ZNF577: variants seen among roughly 807,000 people sequenced by gnomAD.
ZNF577 encodes zinc finger protein 577.
Under a neutral mutation model 13.9 loss-of-function variants are expected in ZNF577, and 14 were observed. That is an observed-to-expected ratio of 1.00 (90% CI 0.66 to 1.57). The LOEUF is 1.57. Ranked by LOEUF, ZNF577 falls within the 40% of genes most tolerant of loss-of-function variation. ZNF577 has a pLI of 0.00. For missense variants in ZNF577, 555 were observed against 579.2 expected (o/e 0.96, Z 0.43); for synonymous variants, 203 against 202.9 (o/e 1.00, Z 0.00).
chr19:51,822,357 G>A (rs1397952167), intron 9 of ZNF577, among the ~76,000 whole-genome samples: 3 of 152,104 alleles, frequency 2.0e-5, no homozygotes, highest in East Asian at 1.9e-4. Context: ...GATGGAGGAG[G>A]GATACCTTCC....
At chr19:51,808,885 T>C (rs960435368) in intron 10 of ZNF577, among the ~76,000 whole-genome samples, 4 of 152,232 alleles carry the variant, frequency 2.6e-5, no homozygotes, top group African/African-American at 9.6e-5. Flanking sequence ...CTGCTGAAGT[T>C]GCATCAGGTT....
At chr19:51,846,009 G>A (rs1355879382) in intron 5 of ZNF577, among the ~76,000 whole-genome samples, 2 of 151,876 alleles carry the variant, frequency 1.3e-5, no homozygotes, top group African/African-American at 4.8e-5. Context: ...TGCATTATAT[G>A]GTGGTTCTAT....
In ZNF577 at chr19:51,824,666, T is replaced by C; in HGVS notation, c.*600-12992A>G. On this transcript the variant is annotated intron_variant and NMD_transcript_variant, in intron 9 of 10. Coordinates refer to the ZNF577 transcript ENST00000638827. This position sits in a 1 kb window ranked among gnomAD's most constrained non-coding sequence, Gnocchi z 4.7. ...ACCCAATTCTCTACGTCTTTATGGG[T>C]CGTAACTTCCAAGAAAGACTGATTC... 3.7e-6 allele frequency: 6 copies of C among 1,614,092 alleles called. No homozygotes were observed. The highest frequency in any genetic ancestry group is 1.1e-5 in the South Asian group (1 of 91,082).
At chr19:51,881,721 A>G (rs1326661186) in intron 1 of ZNF577, among the ~76,000 whole-genome samples, 2 of 152,186 alleles carry the variant, frequency 1.3e-5, no homozygotes, top group Non-Finnish European at 2.9e-5. Context: ...CAGCTACACA[A>G]ACAAGGGCCT....
At chr19:51,878,906 T>C (rs1170367273) in intron 3 of ZNF577, 1 of 159,166 alleles carries the variant, frequency 6.3e-6, no homozygotes, top group Non-Finnish European at 1.4e-5. Context: ...CAAGGCAGTC[T>C]CTTAAATGCA....
intron 9 of ZNF577, among the ~76,000 whole-genome samples, chr19:51,829,084 C>G (rs1279827877): frequency 6.6e-6 from 1 of 152,144 alleles, no homozygotes; most frequent in Non-Finnish European, 1.5e-5. Context: ...AAGTCCTGGT[C>G]TCCAGCCAGA....
intron 9 of ZNF577, among the ~76,000 whole-genome samples, chr19:51,812,801 T>C (rs979400398): frequency 1.3e-5 from 2 of 152,152 alleles, no homozygotes; most frequent in African/African-American, 4.8e-5. Flanking sequence ...TATAACAAAA[T>C]TTATTATGCT....
chr19:51,828,894 C>T (rs2084245977), intron 9 of ZNF577, among the ~76,000 whole-genome samples: 1 of 152,150 alleles, frequency 6.6e-6, no homozygotes, highest in Non-Finnish European at 1.5e-5. Context: ...CCTGCAGCTC[C>T]TGGAGGGCAG....
At chr19:51,857,909 A>G (rs754460743) in intron 5 of ZNF577, among the ~76,000 whole-genome samples, 64 of 152,010 alleles carry the variant, frequency 4.2e-4, no homozygotes, top group Non-Finnish European at 7.6e-4. Context: ...CCTGGGCTCA[A>G]GGGATCCTCC....
chr19:51,806,736 A>G (rs540498394), intron 10 of ZNF577, among the ~76,000 whole-genome samples: 190 of 152,362 alleles, frequency 1.2e-3, no homozygotes, highest in African/African-American at 4.4e-3. Flanking sequence ...GATGACAGAC[A>G]ATGTCGCTGT....
At chr19:51,848,111 C>G (rs951141594) in intron 5 of ZNF577, among the ~76,000 whole-genome samples, 1 of 152,200 alleles carries the variant, frequency 6.6e-6, no homozygotes, top group Non-Finnish European at 1.5e-5. Flanking sequence ...GTAAATCTAA[C>G]TGATCCTTTC....
chr19:51,879,942 A>T (rs374199492), intron 3 of ZNF577, among the ~76,000 whole-genome samples: 1 of 152,212 alleles, frequency 6.6e-6, no homozygotes, highest in Non-Finnish European at 1.5e-5. Flanking sequence ...TCTGCATTCC[A>T]AGCTGTTACC....
intron 9 of ZNF577, among the ~76,000 whole-genome samples, chr19:51,833,836 G>C (rs960307665): frequency 6.6e-6 from 1 of 152,142 alleles, no homozygotes; most frequent in African/African-American, 2.4e-5. Flanking sequence ...TGATGGTTTA[G>C]ATTAACAGTT....
At position 51,873,303 on chromosome 19, in the gene ZNF577, G is replaced by A; in HGVS notation, c.687C>T (p.Leu229=). The change falls in exon 6 of 6, where the codon CTC becomes CTT. Residue 229 remains leucine, a synonymous_variant. Transcript: ENST00000638348. The stretch of plus-strand genomic sequence containing the variant: ...CTGTATGGGTTCTCTGATGGACCAT[G>A]AGCTGTGACTTTCTGGAGAAGGCTT... ...CGKAFSRKSQ[L]MVHQRTHTGE... The A allele has an allele frequency of 1.9e-6, 3 of 1,614,150 alleles. No individual in the cohort carries two copies. The highest frequency in any genetic ancestry group is 2.5e-6 in the Non-Finnish European group (3 of 1,180,002).
chr19:51,857,595 C>T (rs1490630551), intron 5 of ZNF577, among the ~76,000 whole-genome samples: 2 of 152,000 alleles, frequency 1.3e-5, no homozygotes, highest in African/African-American at 4.8e-5. Flanking sequence ...GTTGAAGAAC[C>T]AATACAGAAA....
Position 51,872,417 on chromosome 19 carries a change from A to C in ZNF577, c.*115T>G, listed in dbSNP as rs1386011498. 3.5e-6 allele frequency: 3 copies of C among 849,986 alleles called. No homozygotes were observed. The highest frequency in any genetic ancestry group is 5.3e-6 in the Non-Finnish European group (3 of 569,380). The allele number at this position is 849,986 out of a possible 1,614,324, so 52.7% of individuals were successfully genotyped here. A position where few individuals can be genotyped will look rare whatever the true frequency, so the allele number is the denominator to read the frequency against. ...TTTAACAGGTTTGACTTCTCACAGAAATGTCCTCCACAACCACTGCCTCCA... is the reference window on the plus strand; with the variant it reads ...TTTAACAGGTTTGACTTCTCACAGACATGTCCTCCACAACCACTGCCTCCA... On this transcript the variant is annotated 3_prime_UTR_variant, in exon 6 of 6. Transcript: ENST00000638348.
intron 9 of ZNF577, among the ~76,000 whole-genome samples, chr19:51,831,097 A>G (rs1037604062): frequency 6.6e-6 from 1 of 152,088 alleles, no homozygotes; most frequent in Admixed American, 6.6e-5. Flanking sequence ...AAATATAAGT[A>G]ATTATTGATT....
chr19:51,842,098 A>T (rs1330505470), intron 8 of ZNF577, among the ~76,000 whole-genome samples: 1 of 152,234 alleles, frequency 6.6e-6, no homozygotes, highest in Non-Finnish European at 1.5e-5. Context: ...ATACTAGAAG[A>T]GGTCTATAAA....
chr19:51,847,321 C>G (rs2084357958), intron 5 of ZNF577, among the ~76,000 whole-genome samples: 1 of 152,110 alleles, frequency 6.6e-6, no homozygotes, highest in Non-Finnish European at 1.5e-5. Context: ...CAGCTGAGGC[C>G]TCCTTATGTT....
Sources: gnomAD v4.1 joint callset for allele counts (sites outside exome capture counted in the v4.1 genomes callset) on GRCh38, gnomAD v4.1.1 for gene constraint, Gnocchi (gnomAD v3.1) non-coding constraint, MANE v1.5 for transcripts, NCBI Gene and HGNC (gene_info 2026-07-23, HGNC 2026-07-21) for gene names.